Variants in CELF4 observed in about 807,000 individuals in gnomAD.
CELF4 encodes the protein CUGBP Elav-like family member 4, also known as CUG-BP- and ETR-3-like factor 4.
CELF4 carries 18 observed loss-of-function variants against 59.9 expected under a neutral mutation model. The observed-to-expected ratio is 0.30, with a 90% CI of 0.21 to 0.45. The LOEUF (loss-of-function observed/expected upper bound fraction) is 0.45. Ranked by LOEUF, CELF4 falls within the 20% of genes least tolerant of loss-of-function variation. The pLI, the probability that CELF4 is intolerant of heterozygous loss-of-function variation, is 1.00. For synonymous variants in CELF4, 261 were observed against 267.1 expected (o/e 0.98, Z 0.22); for missense variants, 456 against 689.0 (o/e 0.66, Z 3.79).
intron 3 of CELF4, among the ~76,000 whole-genome samples, chr18:37,307,011 T>TG (rs1403138708): frequency 2.0e-5 from 3 of 152,178 alleles, no homozygotes; most frequent in Admixed American, 6.5e-5. Flanking sequence ...ACTTTAGGCA[T>TG]GGGGGCAGGT....
At chr18:37,337,364 C>T (rs2097805086) in intron 2 of CELF4, among the ~76,000 whole-genome samples, 1 of 152,176 alleles carries the variant, frequency 6.6e-6, no homozygotes, top group African/African-American at 2.4e-5. Flanking sequence ...ATGGCCTGGC[C>T]TCAATACTGC....
chr18:37,428,733 A>G (rs1321217127), intron 2 of CELF4, among the ~76,000 whole-genome samples: 3 of 152,200 alleles, frequency 2.0e-5, no homozygotes, highest in South Asian at 2.1e-4. Flanking sequence ...GAAGACCTGA[A>G]GGAGACTACT....
chr18:37,322,638 C>A (rs2154522774), intron 2 of CELF4, among the ~76,000 whole-genome samples: 1 of 152,338 alleles, frequency 6.6e-6, no homozygotes, highest in South Asian at 2.1e-4. Flanking sequence ...CTCCAAGCAT[C>A]CCGGGCTTGG....
rs376915627 is a variant in CELF4 at position 37,243,908 on chromosome 18, ACGG to A, written c.*1331_*1333del. On this transcript the variant is annotated 3_prime_UTR_variant, in exon 13 of 13. Coordinates refer to ENST00000420428, the MANE Select transcript of CELF4 (RefSeq NM_020180.4). ...CAGAGGGAAGCGAGAGGCGAGGATG[ACGG>A]CGGCGGCGGCGGCGGCGACCCGGGC... The A allele has an allele frequency of 6.5e-4, 121 of 187,586 alleles. No homozygotes were observed. Among genetic ancestry groups the A allele is most frequent in the East Asian group, 9.7e-4 (8 of 8,276 alleles). The allele number at this position is 187,586 out of a possible 1,614,324, so 11.6% of individuals were successfully genotyped here. A position where few individuals can be genotyped will look rare whatever the true frequency, so the allele number is the denominator to read the frequency against.
chr18:37,255,245 A>T (rs972461675), intron 11 of CELF4, among the ~76,000 whole-genome samples: 1 of 152,004 alleles, frequency 6.6e-6, no homozygotes, highest in African/African-American at 2.4e-5. Context: ...CCGTCTTCTC[A>T]GTTTATTGTC....
chr18:37,266,936 GT>G (rs2077903249), intron 8 of CELF4, among the ~76,000 whole-genome samples: 1 of 151,542 alleles, frequency 6.6e-6, no homozygotes, highest in South Asian at 2.1e-4. Flanking sequence ...GATGCTGGTG[GT>G]GGGGGGGGAC....
At chr18:37,454,511 G>A (rs922066644) in intron 2 of CELF4, among the ~76,000 whole-genome samples, 5 of 152,132 alleles carry the variant, frequency 3.3e-5, no homozygotes, top group African/African-American at 1.2e-4. Flanking sequence ...TCTGTTGTGA[G>A]CACCTTGAAG....
chr18:37,501,634 C>T (rs962665405), intron 1 of CELF4, among the ~76,000 whole-genome samples: 9 of 152,186 alleles, frequency 5.9e-5, no homozygotes, highest in Non-Finnish European at 1.0e-4. Context: ...ACTGTAGAGG[C>T]CTGAGGAAGC....
At chr18:37,533,261 G>T (rs2099970945) in intron 1 of CELF4, among the ~76,000 whole-genome samples, 1 of 152,232 alleles carries the variant, frequency 6.6e-6, no homozygotes, top group African/African-American at 2.4e-5. Flanking sequence ...ATTTCCCTGA[G>T]TGTGAGTAGG....
At chr18:37,404,630 T>G (rs1465597193) in intron 2 of CELF4, among the ~76,000 whole-genome samples, 1 of 152,030 alleles carries the variant, frequency 6.6e-6, no homozygotes, top group Admixed American at 6.5e-5. Flanking sequence ...GCTCCAGCAC[T>G]CTCACCCCAT....
chr18:37,482,815 A>G (rs988567852), intron 2 of CELF4, among the ~76,000 whole-genome samples: 1 of 152,214 alleles, frequency 6.6e-6, no homozygotes, highest in Admixed American at 6.5e-5. Context: ...AACTCACTAG[A>G]AACAGCATAG....
At chr18:37,463,362 G>A (rs1011264775) in intron 2 of CELF4, among the ~76,000 whole-genome samples, 1 of 152,126 alleles carries the variant, frequency 6.6e-6, no homozygotes, top group Non-Finnish European at 1.5e-5. Context: ...GCCCTCAGAG[G>A]CACCCGACAT....
At chr18:37,381,227 A>T (rs539159842) in intron 2 of CELF4, among the ~76,000 whole-genome samples, 1 of 152,330 alleles carries the variant, frequency 6.6e-6, no homozygotes, top group South Asian at 2.1e-4. Flanking sequence ...TAGTACTGGA[A>T]TAAGGTCTAG....
intron 2 of CELF4, among the ~76,000 whole-genome samples, chr18:37,398,808 G>A (rs1011135610): frequency 2.0e-5 from 3 of 152,300 alleles, no homozygotes; most frequent in East Asian, 3.9e-4. Flanking sequence ...CAGCCACCTT[G>A]GACAAATCCC....
At chr18:37,445,292 G>A (rs962979409) in intron 2 of CELF4, among the ~76,000 whole-genome samples, 3 of 151,968 alleles carry the variant, frequency 2.0e-5, no homozygotes, top group Non-Finnish European at 2.9e-5. Context: ...CCCAGAGAGC[G>A]CGGCCAGGGT....
intron 2 of CELF4, among the ~76,000 whole-genome samples, chr18:37,423,812 C>T (rs2099594967): frequency 6.6e-6 from 1 of 152,042 alleles, no homozygotes; most frequent in Non-Finnish European, 1.5e-5. Flanking sequence ...CAGGGAGATG[C>T]ACCATAGCTG....
chr18:37,561,467 T>C lies in CELF4; in HGVS notation c.286+3889A>G, dbSNP rs535613643. 8.5e-5 allele frequency among the ~76,000 whole-genome samples: 13 copies of C among 152,316 alleles called. No homozygotes were observed. In the East Asian group the frequency reaches 1.9e-3, roughly 23 times the overall value. On this transcript the variant is annotated intron_variant, in intron 1 of 12. Coordinates refer to ENST00000420428, the MANE Select transcript of CELF4 (RefSeq NM_020180.4). ...TGGACTTAAATGACTTCAAAGATAA[T>C]GCATTATAATATGGCTATCCAGAGA...
intron 9 of CELF4, among the ~76,000 whole-genome samples, chr18:37,264,977 T>C (rs527782243): frequency 2.0e-5 from 3 of 151,106 alleles, no homozygotes; most frequent in Admixed American, 6.6e-5. Flanking sequence ...CGTGTGTGTG[T>C]GCGTGTGTGT....
At chr18:37,513,606 C>A (rs2099947024) in intron 1 of CELF4, among the ~76,000 whole-genome samples, 1 of 152,202 alleles carries the variant, frequency 6.6e-6, no homozygotes, top group Non-Finnish European at 1.5e-5. Flanking sequence ...TCTGCACCAA[C>A]CTTCTCTTTC....
Sources: gnomAD v4.1 joint callset for allele counts (sites outside exome capture counted in the v4.1 genomes callset) on GRCh38, gnomAD v4.1.1 for gene constraint, MANE v1.5 for transcripts, NCBI Gene and HGNC (gene_info 2026-07-23, HGNC 2026-07-21) for gene names.